Variants in PIP4K2A observed in about 807,000 individuals in gnomAD.
PIP4K2A encodes phosphatidylinositol 5-phosphate 4-kinase type-2 alpha.
PIP4K2A carries 14 observed loss-of-function variants against 42.9 expected under a neutral mutation model. That is an observed-to-expected ratio of 0.33 (90% confidence interval 0.22 to 0.51). The LOEUF is 0.51. PIP4K2A is among the 20% of genes least tolerant of loss of function. The probability of loss-of-function intolerance (pLI) is 0.97; values close to 1 mark genes in which losing one functional copy is unlikely to be tolerated. For missense variants in PIP4K2A, 434 were observed against 519.8 expected, an observed-to-expected ratio of 0.83 and a Z score of 1.61; for synonymous variants, 192 against 192.2, an observed-to-expected ratio of 1.00 and a Z score of 0.01.
chr10:22,708,171 A>C (rs1005819393), intron 1 of PIP4K2A, among the ~76,000 whole-genome samples: 4 of 152,224 alleles, frequency 2.6e-5, no homozygotes, highest in African/African-American at 9.6e-5. Flanking sequence ...CTTCCAAAAA[A>C]GAGGAATTGC....
At chr10:22,708,059 G>T (rs770865651) in intron 1 of PIP4K2A, among the ~76,000 whole-genome samples, 1 of 152,150 alleles carries the variant, frequency 6.6e-6, no homozygotes, top group African/African-American at 2.4e-5. Context: ...AACAAATCTG[G>T]TTAGGAGTGA....
intron 4 of PIP4K2A, 71 bp downstream of exon 4, chr10:22,591,558 C>CT (rs1837511587): frequency 8.5e-7 from 1 of 1,170,638 alleles, no homozygotes; most frequent in African/African-American, 1.5e-5. Flanking sequence ...ATTTAAATCT[C>CT]TGGCCTTGGT....
At position 22,645,456 on chromosome 10, in the gene PIP4K2A, G is replaced by A. The variant is rs182875028; in HGVS notation, c.145-35739C>T. Among the ~76,000 whole-genome samples, 86 of 151,474 alleles carry A rather than the reference G, an allele frequency of 5.7e-4. 1 individual carries two copies. The highest frequency in any genetic ancestry group is 5.9e-4 in the Non-Finnish European group (40 of 67,948). ...AGCTACTCGGGAGGCTGAGATGGAA[G>A]CATCACTTGAGCCTGGGAGTTTCAG... On this transcript the variant is annotated intron_variant, in intron 1 of 9. Transcript: ENST00000376573.
chr10:22,607,746 T>C (rs1226649983), intron 3 of PIP4K2A, 181 bp downstream of exon 3: 5 of 499,610 alleles, frequency 1.0e-5, no homozygotes, highest in South Asian at 3.0e-5. Flanking sequence ...ATCATATGTA[T>C]AGAGGTCCCC....
intron 4 of PIP4K2A, among the ~76,000 whole-genome samples, chr10:22,578,577 A>G (rs1270026859): frequency 1.3e-5 from 2 of 151,956 alleles, no homozygotes; most frequent in Non-Finnish European, 2.9e-5. Flanking sequence ...GCCCATTGTC[A>G]GGGCCCTGAC....
chr10:22,667,948 GAGAGAGAGAC>G (rs1839381513), intron 1 of PIP4K2A, among the ~76,000 whole-genome samples: 3 of 150,860 alleles, frequency 2.0e-5, no homozygotes, highest in Non-Finnish European at 4.4e-5. Context: ...CAGAGAGACA[GAGAGAGAGAC>G]AGACAGAAAG....
At position 22,714,293 on chromosome 10, in the gene PIP4K2A, G is replaced by A; in HGVS notation, c.34C>T (p.Leu12=). Residue 12 remains leucine (L), a synonymous_variant, in exon 1 of 10, where the codon CTG becomes TTG. Transcript: ENST00000376573. ...ATPGNLGSSV[L]ASKTKTKKKH... The stretch of plus-strand genomic sequence containing the variant: ...TTCTTGGTCTTGGTCTTGCTCGCCA[G>A]GACAGAGGACCCTAGGTTGCCGGGG... 1 of 1,611,354 alleles carries A rather than the reference G, an allele frequency of 6.2e-7. No individual in the cohort carries two copies. The highest frequency in any genetic ancestry group is 8.5e-7 in the Non-Finnish European group (1 of 1,178,614).
chr10:22,688,024 G>C (rs1839796079), intron 1 of PIP4K2A, among the ~76,000 whole-genome samples: 1 of 152,016 alleles, frequency 6.6e-6, no homozygotes, highest in Non-Finnish European at 1.5e-5. Flanking sequence ...TTTAGAAAAA[G>C]AAATAGGGGA....
At chr10:22,612,195 G>A (rs1838060002) in intron 1 of PIP4K2A, among the ~76,000 whole-genome samples, 1 of 152,222 alleles carries the variant, frequency 6.6e-6, no homozygotes, top group South Asian at 2.1e-4. Context: ...TCTGTGCTGG[G>A]CACAGCTCGG....
chr10:22,640,014 CTTTTTTTTTTTTTTTTTTTT>C lies in PIP4K2A; in HGVS notation c.145-30317_145-30298del, dbSNP rs71395806. 9.7e-5 allele frequency among the ~76,000 whole-genome samples: 9 copies of C among 92,362 alleles called. No individual in the cohort carries two copies. In the South Asian group the frequency reaches 2.0e-3, roughly 20 times the overall value. 60.6% of individuals were successfully genotyped at this position (92,362 alleles called of 152,430 possible). On this transcript the variant is annotated intron_variant, in intron 1 of 9. Transcript: ENST00000376573. ...TCCAATAGATGCATGGATGTGTTGT[CTTTTTTTTTTTTTTTTTTTT>C]TTTTTTTTAAGGAAAAAGAAAAAGA...
intron 4 of PIP4K2A, among the ~76,000 whole-genome samples, chr10:22,584,412 G>C (rs572993143): frequency 6.6e-6 from 1 of 152,262 alleles, no homozygotes; most frequent in African/African-American, 2.4e-5. Context: ...AGAGATGTTT[G>C]GAGATGGAAA....
At chr10:22,644,528 C>T (rs994149890) in intron 1 of PIP4K2A, among the ~76,000 whole-genome samples, 1 of 152,174 alleles carries the variant, frequency 6.6e-6, no homozygotes, top group African/African-American at 2.4e-5. Flanking sequence ...CGTCAGGCTT[C>T]GGTCCCCACC....
intron 3 of PIP4K2A, among the ~76,000 whole-genome samples, chr10:22,604,234 T>C (rs190320037): frequency 1.8e-4 from 27 of 152,296 alleles, no homozygotes; most frequent in Admixed American, 1.4e-3. Flanking sequence ...TCATTATCCT[T>C]TTCATTTATC....
chr10:22,637,722 C>T (rs914134190), intron 1 of PIP4K2A, among the ~76,000 whole-genome samples: 10 of 152,254 alleles, frequency 6.6e-5, no homozygotes, highest in South Asian at 2.1e-4. Context: ...GCTGCCCAGA[C>T]GAAACCACAA....
At chr10:22,681,959 T>C (rs1839671204) in intron 1 of PIP4K2A, among the ~76,000 whole-genome samples, 2 of 152,184 alleles carry the variant, frequency 1.3e-5, no homozygotes, top group Non-Finnish European at 2.9e-5. Context: ...TTGAATTTCA[T>C]AGAATTTTCA....
In PIP4K2A at chr10:22,573,466, G is replaced by A. The variant is rs1287641710; in HGVS notation, c.493-9C>T. ...TGACATTCCACTATGTACTGCATAG[G>A]AGAGAAAGAAAAAGGAAAAAAACAT... On this transcript the variant is annotated splice_polypyrimidine_tract_variant and intron_variant, in intron 4 of 9. Transcript: ENST00000376573. 3 of 1,597,662 alleles carry A rather than the reference G, an allele frequency of 1.9e-6. No individual in the cohort carries two copies. Among genetic ancestry groups the A allele is most frequent in the South Asian group, 1.1e-5 (1 of 87,736 alleles).
chr10:22,652,530 T>C (rs1405054482), intron 1 of PIP4K2A, among the ~76,000 whole-genome samples: 1 of 152,232 alleles, frequency 6.6e-6, no homozygotes, highest in Non-Finnish European at 1.5e-5. Flanking sequence ...ATCAACACTG[T>C]AGTTATAATA....
chr10:22,624,176 A>C (rs1398736095), intron 1 of PIP4K2A, among the ~76,000 whole-genome samples: 2 of 152,210 alleles, frequency 1.3e-5, no homozygotes, highest in African/African-American at 4.8e-5. Flanking sequence ...TACTTCACAA[A>C]ATTTTATTAA....
intron 7 of PIP4K2A, among the ~76,000 whole-genome samples, chr10:22,545,358 A>C (rs952243147): frequency 2.6e-5 from 4 of 152,228 alleles, no homozygotes; most frequent in Admixed American, 6.5e-5. Flanking sequence ...TTTTAGTTAC[A>C]GAAGTCAGGG....
Sources: allele counts gnomAD v4.1 joint callset (sites outside exome capture counted in the v4.1 genomes callset), GRCh38; gene constraint gnomAD v4.1.1; transcripts MANE v1.5; gene names NCBI Gene and HGNC (gene_info 2026-07-23, HGNC 2026-07-21).